M6PR: variants seen among roughly 807,000 people sequenced by gnomAD.
The protein encoded by M6PR is cation-dependent mannose-6-phosphate receptor.
M6PR carries 19 observed loss-of-function variants against 33.1 expected under a neutral mutation model. That is an observed-to-expected ratio of 0.57 (90% CI 0.40 to 0.84). M6PR has a LOEUF of 0.84. Among genes scored for constraint, M6PR ranks in the 40% least tolerant of loss-of-function variants. The pLI is 0.00. For synonymous variants in M6PR, 111 were observed against 123.4 expected (o/e 0.90, Z 0.67); for missense variants, 295 against 336.0 (o/e 0.88, Z 0.95).
rs199596565 is a variant in M6PR at position 8,941,951 on chromosome 12, A to AG, written c.712-12_712-11insC. On this transcript the variant is annotated splice_polypyrimidine_tract_variant and intron_variant, in intron 6 of 6. Transcript: ENST00000000412. Reference sequence around the variant, plus strand: ...AAAGTCACAGCCATCCTGTAGGGGGAAAAAAAAGAAGGAAATAATTCGCAG... The same window carrying AG: ...AAAGTCACAGCCATCCTGTAGGGGGAGAAAAAAAGAAGGAAATAATTCGCAG... 1 of 1,612,006 alleles carries AG rather than the reference A, an allele frequency of 6.2e-7. No individual in the cohort carries two copies.
intron 6 of M6PR, 69 bp from the exon 7 acceptor site, chr12:8,942,009 A>C (rs1277415418): frequency 5.8e-6 from 9 of 1,561,066 alleles, no homozygotes; most frequent in Non-Finnish European, 7.9e-6. Context: ...AAGTGTACTT[A>C]TGGTCTAGGA....
At chr12:8,945,688 G>T in intron 2 of M6PR, 104 bp from the exon 3 acceptor site, 3 of 891,220 alleles carry the variant, frequency 3.4e-6, no homozygotes, top group East Asian at 2.6e-5. Flanking sequence ...CAACATGCTC[G>T]ATTTATTTAT....
intron 3 of M6PR, among the ~76,000 whole-genome samples, chr12:8,944,713 G>A (rs1946070702): frequency 6.6e-6 from 1 of 152,196 alleles, no homozygotes; most frequent in South Asian, 2.1e-4. Flanking sequence ...TGCAGACTGA[G>A]TAGTTTGCAA....
chr12:8,943,114 G>A (rs1271136585), intron 5 of M6PR, among the ~76,000 whole-genome samples: 1 of 151,962 alleles, frequency 6.6e-6, no homozygotes, highest in East Asian at 1.9e-4. Flanking sequence ...CCACTGTGCT[G>A]GCTAATTTTG....
intron 1 of M6PR, among the ~76,000 whole-genome samples, chr12:8,947,806 G>A (rs1198716113): frequency 6.6e-6 from 1 of 151,476 alleles, no homozygotes; most frequent in Non-Finnish European, 1.5e-5. Flanking sequence ...ACAATTTTTT[G>A]GAGATGAGAG....
At chr12:8,942,621 G>T in intron 5 of M6PR, 79 bp from the exon 6 acceptor site, 1 of 1,458,414 alleles carries the variant, frequency 6.9e-7, no homozygotes, top group Non-Finnish European at 9.4e-7. Context: ...TGCATTTATT[G>T]TCAGCTGTTT....
At chr12:8,945,625 GC>G (rs769532826) in intron 2 of M6PR, 41 bp from the exon 3 acceptor site, 50 of 1,556,384 alleles carry the variant, frequency 3.2e-5, no homozygotes, top group South Asian at 4.5e-5. Context: ...AGAGTTACTA[GC>G]TATCAGCCTC....
At chr12:8,948,697 T>G (rs1386459029) in intron 1 of M6PR, among the ~76,000 whole-genome samples, 1 of 152,196 alleles carries the variant, frequency 6.6e-6, no homozygotes, top group East Asian at 1.9e-4. Flanking sequence ...ATGCTAAAAA[T>G]TATCCTTTAT....
Position 8,947,289 on chromosome 12 carries a change from C to A in M6PR, c.-1-884G>T, listed in dbSNP as rs146909177. Among the ~76,000 whole-genome samples, 442 of 152,236 alleles carry A rather than the reference C, an allele frequency of 2.9e-3. 4 individuals are homozygous for A. Among genetic ancestry groups the A allele is most frequent in the African/African-American group, 0.01 (430 of 41,542 alleles). On this transcript the variant is annotated intron_variant, in intron 1 of 6. Coordinates refer to ENST00000000412, the MANE Select transcript of M6PR (RefSeq NM_002355.4). ...TTTAAAATATAAAACTTGAAACAGG[C>A]AGAATTTTCATGGGTACTAATGAGT...
chr12:8,943,467 A>G lies in M6PR; in HGVS notation c.522T>C (p.Asp174=), dbSNP rs1171651425. Residue 174 remains aspartate, a synonymous_variant, in exon 5 of 7, where the codon GAT becomes GAC. Coordinates refer to ENST00000000412, the MANE Select transcript of M6PR (RefSeq NM_002355.4). ...TCTCTGGTGAACAGGCCAGGCTGCT[A>G]TCCATCTCAAAGAGGTAGAAACAAT... ...VQDCFYLFEM[D]SSLACSPEIS... is the part of the protein sequence containing the mutation. The G allele has an allele frequency of 1.9e-6, 3 of 1,614,070 alleles. No individual in the cohort carries two copies. The highest frequency in any genetic ancestry group is 2.7e-5 in the African/African-American group (2 of 74,928).
intron 3 of M6PR, chr12:8,945,156 T>TCAAAA: frequency 2.9e-6 from 1 of 342,554 alleles, no homozygotes. Flanking sequence ...AGACTCCGTC[T>TCAAAA]CAAAACAAAA....
intron 6 of M6PR, 145 bp downstream of exon 6, chr12:8,942,271 A>G (rs1946025185): frequency 2.8e-6 from 3 of 1,078,918 alleles, no homozygotes; most frequent in Admixed American, 4.3e-5. Context: ...GTACTAGGGC[A>G]ACTGTCTTGT....
At chr12:8,946,732 G>C in intron 1 of M6PR, 1 of 198,714 alleles carries the variant, frequency 5.0e-6, no homozygotes, top group East Asian at 1.2e-4. Context: ...ACTGTTTGAT[G>C]GCTTGATGTA....
chr12:8,947,998 G>A (rs747340877), intron 1 of M6PR, among the ~76,000 whole-genome samples: 2 of 152,126 alleles, frequency 1.3e-5, no homozygotes, highest in Non-Finnish European at 2.9e-5. Flanking sequence ...AAAAGAAATA[G>A]GAGACTCCTT....
At chr12:8,942,242 C>T in intron 6 of M6PR, 174 bp downstream of exon 6, 1 of 797,584 alleles carries the variant, frequency 1.3e-6, no homozygotes, top group Non-Finnish European at 2.0e-6. Flanking sequence ...GAAATGGATG[C>T]TGTGCCACTT....
chr12:8,943,567 GGTTAA>G (rs773093086), intron 4 of M6PR, 32 bp from the exon 5 acceptor site: 27 of 1,613,838 alleles, frequency 1.7e-5, no homozygotes, highest in Admixed American at 5.0e-5. Flanking sequence ...ACATTCAGGT[GGTTAA>G]GTGTTTTGAC....
intron 3 of M6PR, 88 bp downstream of exon 3, chr12:8,945,330 C>T: frequency 1.4e-6 from 2 of 1,413,564 alleles, no homozygotes; most frequent in Non-Finnish European, 2.0e-6. Context: ...GCTGAAGACA[C>T]TAGAAACGGC....
chr12:8,942,750 CAA>C (rs1278837369), intron 5 of M6PR, among the ~76,000 whole-genome samples: 5 of 152,166 alleles, frequency 3.3e-5, no homozygotes, highest in Non-Finnish European at 7.3e-5. Flanking sequence ...AAGGCCCAGA[CAA>C]AATGTGACAG....
intron 1 of M6PR, chr12:8,946,666 T>G (rs1389838141): frequency 9.3e-6 from 3 of 323,436 alleles, no homozygotes; most frequent in Admixed American, 4.5e-5. Context: ...AAGAGGGAAA[T>G]GAAAGAACTT....
Sources: gnomAD v4.1 joint callset for allele counts (sites outside exome capture counted in the v4.1 genomes callset) on GRCh38, gnomAD v4.1.1 for gene constraint, MANE v1.5 for transcripts, NCBI Gene and HGNC (gene_info 2026-07-23, HGNC 2026-07-21) for gene names.